The following HMCN1 variants were observed in gnomAD, a reference collection of about 807,000 sequenced individuals.
HMCN1 encodes the protein hemicentin-1.
In HMCN1, 321 loss-of-function variants were observed where a neutral mutation model predicts 625.9. The ratio of observed to expected loss-of-function variants is 0.51; its 90% CI spans 0.47 to 0.56. HMCN1 has a LOEUF of 0.56. Among genes scored for constraint, HMCN1 ranks in the 20% least tolerant of loss-of-function variants. The pLI, the probability that HMCN1 is intolerant of heterozygous loss-of-function variation, is 0.00. For missense variants in HMCN1, 6,588 were observed against 6,887.3 expected (o/e 0.96, Z 1.54); for synonymous variants, 2,425 against 2,417.6 (o/e 1.00, Z -0.09).
At chr1:185,946,785 A>G (rs1156431751) in intron 11 of HMCN1, among the ~76,000 whole-genome samples, 1 of 152,246 alleles carries the variant, frequency 6.6e-6, no homozygotes, top group Non-Finnish European at 1.5e-5. Flanking sequence ...AACATTGTTG[A>G]CATACAAAAT....
intron 41 of HMCN1, among the ~76,000 whole-genome samples, chr1:186,048,468 C>T (rs987521936): frequency 3.9e-5 from 6 of 152,070 alleles, no homozygotes; most frequent in African/African-American, 1.4e-4. Context: ...TGTACCTTTT[C>T]GTTTTTTCTG....
In HMCN1 at chr1:186,128,274, A is replaced by G. The variant is rs766315627; in HGVS notation, c.12887A>G (p.Asn4296Ser). Residue 4296 changes from asparagine (N) to serine (S), a missense_variant, in exon 83 of 107, where the codon AAT becomes AGT. Around this residue, in one of 3 missense-constraint regions of HMCN1, gnomAD observed 1,954 missense variants for 2,013.1 expected, o/e 0.97. Coordinates refer to ENST00000271588, the MANE Select transcript of HMCN1 (RefSeq NM_031935.3). ...TTGCCCAAATTAACATGGACCTTCA[A>G]TAACAATATTATTCCAGGTTGGTCA... ...IPLPKLTWTF[N>S]NNIIPAHFDS... The G allele has an allele frequency of 2.6e-5, 42 of 1,612,900 alleles. No individual in the cohort carries two copies. Among genetic ancestry groups the G allele is most frequent in the Non-Finnish European group, 3.1e-5 (37 of 1,179,330 alleles).
intron 1 of HMCN1, among the ~76,000 whole-genome samples, chr1:185,807,871 A>G (rs1659269402): frequency 6.6e-6 from 1 of 152,200 alleles, no homozygotes; most frequent in Admixed American, 6.5e-5. Flanking sequence ...TTTGAAAACT[A>G]CTATGTTGAG....
chr1:185,861,141 T>C (rs780236120), intron 2 of HMCN1, among the ~76,000 whole-genome samples: 1 of 152,180 alleles, frequency 6.6e-6, no homozygotes, highest in Non-Finnish European at 1.5e-5. Flanking sequence ...TGTTTCAGGA[T>C]TCCTAGGGAA....
Position 185,865,723 on chromosome 1 carries a change from T to C in HMCN1, c.499-18T>C, listed in dbSNP as rs776289049. 6 of 1,605,014 alleles carry C rather than the reference T, an allele frequency of 3.7e-6. No homozygotes were observed. Among genetic ancestry groups the C allele is most frequent in the South Asian group, 2.2e-5 (2 of 90,776 alleles). On this transcript the variant is annotated intron_variant, in intron 3 of 106. Transcript: ENST00000271588. The stretch of plus-strand genomic sequence containing the variant: ...TGGAAACCCTTTACACTGTTTCTTT[T>C]TTTTTTTTTAATCATAGGTCGTATT...
intron 4 of HMCN1, 117 bp downstream of exon 4, chr1:185,865,980 C>T (rs1029663716): frequency 2.1e-6 from 2 of 939,426 alleles, no homozygotes; most frequent in East Asian, 5.2e-5. Context: ...GGTATAACTC[C>T]AAGGCCACAG....
intron 16 of HMCN1, among the ~76,000 whole-genome samples, chr1:185,979,469 A>G (rs960718603): frequency 1.1e-4 from 17 of 152,206 alleles, no homozygotes; most frequent in African/African-American, 4.1e-4. Context: ...AAAGAGCTCA[A>G]TATCTTGAGC....
intron 89 of HMCN1, among the ~76,000 whole-genome samples, chr1:186,140,075 G>T (rs1649856316): frequency 6.6e-6 from 1 of 152,012 alleles, no homozygotes; most frequent in Non-Finnish European, 1.5e-5. Context: ...CTGAAACAAG[G>T]ACATTCTCTT....
intron 2 of HMCN1, among the ~76,000 whole-genome samples, chr1:185,851,877 A>G (rs1436117010): frequency 6.6e-6 from 1 of 152,016 alleles, no homozygotes; most frequent in Non-Finnish European, 1.5e-5. Flanking sequence ...TGAGATTACA[A>G]TGCCAACTTT....
At chr1:185,986,206 A>G (rs1040862164) in intron 19 of HMCN1, among the ~76,000 whole-genome samples, 12 of 152,334 alleles carry the variant, frequency 7.9e-5, no homozygotes, top group African/African-American at 2.6e-4. Flanking sequence ...GAACCCAGCC[A>G]TAGGAAAATA....
In HMCN1 at chr1:185,956,007, C is replaced by G. The variant is rs2102544135; in HGVS notation, c.1829-6511C>G. Among the ~76,000 whole-genome samples, 2 of 152,224 alleles carry G rather than the reference C, an allele frequency of 1.3e-5. 1 individual carries two copies. Among genetic ancestry groups the G allele is most frequent in the South Asian group, 4.1e-4 (2 of 4,826 alleles). Reference sequence around the variant, plus strand: ...ACCACTGCCTTTCTGATATTGGTCTCTTTGTTCGGTTATCCTCTAGAACTT... The same window carrying G: ...ACCACTGCCTTTCTGATATTGGTCTGTTTGTTCGGTTATCCTCTAGAACTT... On this transcript the variant is annotated intron_variant, in intron 11 of 106. Coordinates refer to ENST00000271588, the MANE Select transcript of HMCN1 (RefSeq NM_031935.3).
intron 91 of HMCN1, 81 bp downstream of exon 91, chr1:186,144,784 C>T: frequency 6.5e-7 from 1 of 1,529,306 alleles, no homozygotes; most frequent in East Asian, 2.3e-5. Context: ...TTGCAATATT[C>T]CGTTATTTGG....
intron 11 of HMCN1, among the ~76,000 whole-genome samples, chr1:185,946,355 A>T (rs1380661116): frequency 6.6e-6 from 1 of 152,120 alleles, no homozygotes; most frequent in African/African-American, 2.4e-5. Flanking sequence ...CCAACTTTTG[A>T]TAGGCAAAAT....
chr1:185,940,613 C>G (rs1198870617), intron 11 of HMCN1, among the ~76,000 whole-genome samples: 1 of 152,206 alleles, frequency 6.6e-6, no homozygotes, highest in Non-Finnish European at 1.5e-5. Context: ...ATAGCACACT[C>G]CCAAATCATG....
At chr1:186,026,972 AAC>A (rs1359200129) in intron 36 of HMCN1, among the ~76,000 whole-genome samples, 1 of 152,146 alleles carries the variant, frequency 6.6e-6, no homozygotes, top group Non-Finnish European at 1.5e-5. Flanking sequence ...ATTGATGGAT[AAC>A]ACATTCAGCA....
chr1:185,802,910 G>T (rs1658894815), intron 1 of HMCN1, among the ~76,000 whole-genome samples: 1 of 151,986 alleles, frequency 6.6e-6, no homozygotes, highest in South Asian at 2.1e-4. Context: ...TTTTGTTTTT[G>T]TGTTTTATAA....
At chr1:186,130,211 C>G in intron 84 of HMCN1, 111 bp downstream of exon 84, 1 of 1,404,164 alleles carries the variant, frequency 7.1e-7, no homozygotes, top group Non-Finnish European at 9.9e-7. Flanking sequence ...TTAATCCACT[C>G]AGTCCTATTT....
At chr1:185,786,402 A>G (rs1657568872) in intron 1 of HMCN1, among the ~76,000 whole-genome samples, 1 of 152,160 alleles carries the variant, frequency 6.6e-6, no homozygotes, top group South Asian at 2.1e-4. Context: ...GGAGCTCATT[A>G]TTTGGCCAAT....
intron 71 of HMCN1, among the ~76,000 whole-genome samples, chr1:186,109,483 C>T (rs1229156894): frequency 6.6e-6 from 1 of 152,150 alleles, no homozygotes; most frequent in East Asian, 1.9e-4. Context: ...GGCTTTACCT[C>T]AAAGAGCTCA....
Sources: allele counts gnomAD v4.1 joint callset (sites outside exome capture counted in the v4.1 genomes callset), GRCh38; gene constraint gnomAD v4.1.1; regional missense constraint gnomAD v4.1.1; transcripts MANE v1.5; gene names NCBI Gene and HGNC (gene_info 2026-07-23, HGNC 2026-07-21).